Variants in CCDC138 observed in about 807,000 individuals in gnomAD.
CCDC138 encodes the protein coiled-coil domain containing 138.
In CCDC138, 66 loss-of-function variants were observed where a neutral mutation model predicts 82.3. That is an observed-to-expected ratio of 0.80 (90% CI 0.66 to 0.98). The LOEUF (loss-of-function observed/expected upper bound fraction) is 0.98. Among genes scored for constraint, CCDC138 ranks in the 50% least tolerant of loss-of-function variants. The pLI is 0.00. For missense variants in CCDC138, 816 were observed against 758.9 expected, an observed-to-expected ratio of 1.08 and a Z score of -0.88; for synonymous variants, 297 against 265.4, an observed-to-expected ratio of 1.12 and a Z score of -1.16.
intron 11 of CCDC138, among the ~76,000 whole-genome samples, chr2:108,841,087 C>T (rs1217412122): frequency 3.3e-5 from 5 of 152,182 alleles, no homozygotes; most frequent in South Asian, 4.1e-4. Context: ...CTGCCCACTT[C>T]GGCCTCCCAA....
In CCDC138 at chr2:108,812,874, C is replaced by A; in HGVS notation, c.988C>A (p.His330Asn). The A allele has an allele frequency of 6.2e-7, 1 of 1,613,340 alleles. No homozygotes were observed. Residue 330 changes from histidine to asparagine, a missense_variant, in exon 9 of 15, where the codon CAT becomes AAT. His to Asn is a moderately conservative substitution (Grantham distance 68). Coordinates refer to ENST00000295124, the MANE Select transcript of CCDC138 (RefSeq NM_144978.3). Reference sequence around the variant, plus strand: ...ATTGAAAGGAAGTTCCCATGCTGTTCATGAAATGAAAAGTTTAAAACAAGA... The same window carrying A: ...ATTGAAAGGAAGTTCCCATGCTGTTAATGAAATGAAAAGTTTAAAACAAGA... ...QRLKGSSHAV[H>N]EMKSLKQEKA... is the part of the protein sequence containing the mutation.
At chr2:108,869,141 C>A (rs1471462950) in intron 13 of CCDC138, among the ~76,000 whole-genome samples, 2 of 151,930 alleles carry the variant, frequency 1.3e-5, no homozygotes, top group Non-Finnish European at 2.9e-5. Flanking sequence ...GTGCTTGTTT[C>A]CCCACAGAAA....
At chr2:108,834,048 T>A (rs56409908) in intron 10 of CCDC138, among the ~76,000 whole-genome samples, 1 of 150,600 alleles carries the variant, frequency 6.6e-6, no homozygotes, top group African/African-American at 2.5e-5. Context: ...GCCCAGCCAA[T>A]GTGGAGTAAA....
chr2:108,850,914 A>G (rs1691371942), intron 12 of CCDC138, among the ~76,000 whole-genome samples: 1 of 152,104 alleles, frequency 6.6e-6, no homozygotes, highest in Admixed American at 6.5e-5. Context: ...AAGCTGCTCC[A>G]ATTCACTTCT....
At chr2:108,806,882 G>A (rs1244394289) in intron 7 of CCDC138, among the ~76,000 whole-genome samples, 1 of 152,164 alleles carries the variant, frequency 6.6e-6, no homozygotes, top group Non-Finnish European at 1.5e-5. Context: ...TCATCATAGG[G>A]AGATAGTCCC....
chr2:108,803,659 G>T (rs1215829157), intron 6 of CCDC138, among the ~76,000 whole-genome samples: 1 of 152,158 alleles, frequency 6.6e-6, no homozygotes, highest in Non-Finnish European at 1.5e-5. Context: ...GAGGCAAAAT[G>T]TTGAGAGAAG....
chr2:108,821,516 C>T (rs1410004549), intron 10 of CCDC138, among the ~76,000 whole-genome samples: 1 of 151,662 alleles, frequency 6.6e-6, no homozygotes, highest in Non-Finnish European at 1.5e-5. Context: ...ACAGAATATA[C>T]ACAAAAGCAA....
intron 6 of CCDC138, among the ~76,000 whole-genome samples, chr2:108,800,019 A>G (rs1453939959): frequency 6.6e-6 from 1 of 152,010 alleles, no homozygotes. Flanking sequence ...ATATATATTT[A>G]CTTTTACCTC....
chr2:108,846,982 C>A (rs777480779), intron 12 of CCDC138, 52 bp downstream of exon 12: 1 of 994,318 alleles, frequency 1.0e-6, no homozygotes, highest in East Asian at 2.4e-5. Flanking sequence ...TAGAGAATAT[C>A]ATATATTAAA....
intron 10 of CCDC138, among the ~76,000 whole-genome samples, chr2:108,829,411 A>T (rs1687161471): frequency 6.6e-6 from 1 of 152,210 alleles, no homozygotes; most frequent in Admixed American, 6.5e-5. Context: ...CTCTAAGGAA[A>T]TACAAAACCA....
intron 10 of CCDC138, among the ~76,000 whole-genome samples, chr2:108,825,366 T>C (rs1270551139): frequency 6.6e-6 from 1 of 152,140 alleles, no homozygotes; most frequent in Non-Finnish European, 1.5e-5. Flanking sequence ...TGTTTTTTTT[T>C]CTTTATTCAC....
At chr2:108,812,225 T>C (rs1453565183) in intron 7 of CCDC138, among the ~76,000 whole-genome samples, 1 of 152,134 alleles carries the variant, frequency 6.6e-6, no homozygotes, top group Non-Finnish European at 1.5e-5. Flanking sequence ...TATATACATA[T>C]CAGTATATAC....
chr2:108,827,555 G>A (rs1029090441), intron 10 of CCDC138, among the ~76,000 whole-genome samples: 5 of 151,986 alleles, frequency 3.3e-5, no homozygotes, highest in Admixed American at 1.3e-4. Flanking sequence ...AGTGGCTCCC[G>A]CCTGTAATCC....
intron 10 of CCDC138, among the ~76,000 whole-genome samples, chr2:108,820,048 T>C (rs1393196632): frequency 4.6e-5 from 7 of 152,134 alleles, no homozygotes; most frequent in Non-Finnish European, 1.0e-4. Flanking sequence ...ATATCTGAAC[T>C]ATAAAAGTCA....
At position 108,786,970 on chromosome 2, in the gene CCDC138, G is replaced by T. The variant is rs558688846; in HGVS notation, c.93+55G>T. On this transcript the variant is annotated intron_variant, in intron 1 of 14. Transcript: ENST00000295124. ...GGCTCCTGCTGCTGGGGGGCGGCCC[G>T]CTCCGTGCCCCGCGCAGCCGGCCTG... The T allele has an allele frequency of 9.6e-6, 12 of 1,256,066 alleles. No homozygotes were observed. The East Asian group carries it at 3.8e-4, about 40-fold the overall frequency. 77.8% of individuals were successfully genotyped at this position (1,256,066 alleles called of 1,614,324 possible).
chr2:108,863,138 T>C (rs907240234), intron 13 of CCDC138, among the ~76,000 whole-genome samples: 1 of 152,230 alleles, frequency 6.6e-6, no homozygotes, highest in Non-Finnish European at 1.5e-5. Flanking sequence ...TTTTCTTGAT[T>C]TGAACAACAT....
At chr2:108,884,619 ACAT>A (rs930641744) in intron 2 of CCDC138, 1 of 152,122 alleles carries the variant, frequency 6.6e-6, no homozygotes, top group African/African-American at 2.4e-5. Context: ...CACATAATAA[ACAT>A]CAGAAAGTCA....
intron 3 of CCDC138, among the ~76,000 whole-genome samples, chr2:108,789,953 A>G (rs1432946319): frequency 6.6e-6 from 1 of 152,260 alleles, no homozygotes; most frequent in African/African-American, 2.4e-5. Context: ...ATGTATCCAT[A>G]TATAACATGA....
chr2:108,808,422 T>TG (rs1683217903), intron 7 of CCDC138, among the ~76,000 whole-genome samples: 1 of 152,206 alleles, frequency 6.6e-6, no homozygotes, highest in African/African-American at 2.4e-5. Context: ...TTCGTTTTTT[T>TG]GGGAACCTGA....
Sources: allele counts gnomAD v4.1 joint callset (sites outside exome capture counted in the v4.1 genomes callset), GRCh38; gene constraint gnomAD v4.1.1; transcripts MANE v1.5; gene names NCBI Gene and HGNC (gene_info 2026-07-23, HGNC 2026-07-21).